Variants in FOXN3 observed in about 807,000 individuals in gnomAD.
FOXN3 encodes the protein forkhead box protein N3.
A neutral mutation model predicts 38.4 loss-of-function variants in FOXN3; 7 were observed. That is an observed-to-expected ratio of 0.18 (90% CI 0.10 to 0.34). The LOEUF is 0.34. Ranked by LOEUF, FOXN3 falls within the 10% of genes least tolerant of loss-of-function variation. FOXN3 has a pLI of 1.00. For missense variants in FOXN3, 456 were observed against 613.4 expected, an observed-to-expected ratio of 0.74 and a Z score of 2.71; for synonymous variants, 230 against 242.2, an observed-to-expected ratio of 0.95 and a Z score of 0.47.
intron 3 of FOXN3, among the ~76,000 whole-genome samples, chr14:89,318,118 T>C (rs916950650): frequency 2.0e-5 from 3 of 150,788 alleles, no homozygotes; most frequent in Middle Eastern, 6.3e-3. Context: ...GTTTTAATCT[T>C]CCCTCCTTCC....
At chr14:89,288,847 G>A (rs967932230) in intron 3 of FOXN3, among the ~76,000 whole-genome samples, 9 of 149,508 alleles carry the variant, frequency 6.0e-5, no homozygotes, top group Non-Finnish European at 1.0e-4. Flanking sequence ...TCAACACTAC[G>A]TACTGAAAAG....
At chr14:89,321,198 C>T (rs1271582434) in intron 3 of FOXN3, among the ~76,000 whole-genome samples, 1 of 151,844 alleles carries the variant, frequency 6.6e-6, no homozygotes, top group African/African-American at 2.4e-5. Flanking sequence ...GGCTGAGACA[C>T]AAGAATCGCT....
chr14:89,391,640 G>T (rs955739273), intron 2 of FOXN3, among the ~76,000 whole-genome samples: 6 of 152,136 alleles, frequency 3.9e-5, no homozygotes, highest in Admixed American at 2.0e-4. Context: ...AAAAATAAGC[G>T]ACAGTCCCCA....
At chr14:89,535,728 C>T (rs749107077) in intron 1 of FOXN3, among the ~76,000 whole-genome samples, 51 of 152,186 alleles carry the variant, frequency 3.4e-4, no homozygotes, top group Admixed American at 7.9e-4. Context: ...TCTTAACAAG[C>T]CTACCCCATT....
chr14:89,503,490 T>C (rs1411454278), intron 1 of FOXN3, among the ~76,000 whole-genome samples: 1 of 152,240 alleles, frequency 6.6e-6, no homozygotes, highest in African/African-American at 2.4e-5. Context: ...TTGGAAGACA[T>C]CTGAGTGAAA....
At chr14:89,199,543 G>T (rs1888182466) in intron 4 of FOXN3, among the ~76,000 whole-genome samples, 1 of 152,146 alleles carries the variant, frequency 6.6e-6, no homozygotes, top group Non-Finnish European at 1.5e-5. Flanking sequence ...TGGAACAAAA[G>T]ATGATCTAAT....
At chr14:89,230,960 T>C in intron 4 of FOXN3, 1 of 445,048 alleles carries the variant, frequency 2.2e-6, no homozygotes, top group Non-Finnish European at 4.5e-6. Context: ...CCATGGCGTC[T>C]ACTGGAGTAG....
At chr14:89,295,762 ATTTTTTTT>A (rs1032063820) in intron 3 of FOXN3, among the ~76,000 whole-genome samples, 3 of 123,224 alleles carry the variant, frequency 2.4e-5, no homozygotes, top group African/African-American at 9.2e-5. Context: ...TAATTTTTGC[ATTTTTTTT>A]TTTTTTTTTT....
chr14:89,223,514 T>C (rs73321296), intron 4 of FOXN3, among the ~76,000 whole-genome samples: 2,884 of 152,308 alleles, frequency 0.019, 91 homozygotes, highest in African/African-American at 0.065. Context: ...AATTAGAAAT[T>C]CCGAGGACTG....
chr14:89,586,082 C>T (rs1019261324), intron 1 of FOXN3, among the ~76,000 whole-genome samples: 1 of 151,982 alleles, frequency 6.6e-6, no homozygotes, highest in Admixed American at 6.6e-5. Flanking sequence ...ATTCTATAGA[C>T]TACAGGTCTT....
chr14:89,397,360 A>T (rs772454630), intron 2 of FOXN3, among the ~76,000 whole-genome samples: 1 of 151,838 alleles, frequency 6.6e-6, no homozygotes, highest in East Asian at 1.9e-4. Flanking sequence ...GTGGTGAAAT[A>T]ATCTGTACAA....
intron 3 of FOXN3, among the ~76,000 whole-genome samples, chr14:89,326,206 T>C (rs1414024542): frequency 1.3e-5 from 2 of 152,202 alleles, no homozygotes; most frequent in Non-Finnish European, 2.9e-5. Context: ...CCTTCTTTTA[T>C]AGGTGCTGTC....
intron 1 of FOXN3, among the ~76,000 whole-genome samples, chr14:89,612,035 G>A (rs1374656500): frequency 6.6e-6 from 1 of 152,038 alleles, no homozygotes; most frequent in Non-Finnish European, 1.5e-5. Context: ...AGTCAGAGGA[G>A]CAGTTGTGAG....
chr14:89,315,536 C>T (rs1044847192), intron 3 of FOXN3, among the ~76,000 whole-genome samples: 9 of 152,142 alleles, frequency 5.9e-5, no homozygotes, highest in African/African-American at 2.2e-4. Flanking sequence ...AACTCTCCTC[C>T]ATGGCTTTGC....
At chr14:89,509,523 C>G (rs1217989300) in intron 1 of FOXN3, among the ~76,000 whole-genome samples, 1 of 152,172 alleles carries the variant, frequency 6.6e-6, no homozygotes, top group Non-Finnish European at 1.5e-5. Context: ...TTTGTAGAAA[C>G]AGGATTTCGC....
At chr14:89,302,916 T>C (rs1887263427) in intron 3 of FOXN3, among the ~76,000 whole-genome samples, 1 of 152,204 alleles carries the variant, frequency 6.6e-6, no homozygotes. Context: ...GAGGACACTT[T>C]ATGTGTAGGG....
chr14:89,544,456 A>G (rs1219874616), intron 1 of FOXN3, among the ~76,000 whole-genome samples: 1 of 152,152 alleles, frequency 6.6e-6, no homozygotes, highest in Non-Finnish European at 1.5e-5. Flanking sequence ...ATTATTTAGC[A>G]AAATCTCCTT....
At chr14:89,202,044 C>G (rs1449987718) in intron 4 of FOXN3, among the ~76,000 whole-genome samples, 1 of 152,204 alleles carries the variant, frequency 6.6e-6, no homozygotes, top group Admixed American at 6.5e-5. Context: ...CAGAGTGACA[C>G]TGGCAGGTGT....
At chr14:89,543,918 A>G (rs1410688436) in intron 1 of FOXN3, among the ~76,000 whole-genome samples, 1 of 152,138 alleles carries the variant, frequency 6.6e-6, no homozygotes, top group Non-Finnish European at 1.5e-5. Flanking sequence ...GTGGGGGGGA[A>G]GTACTCAAAA....
Sources: gnomAD v4.1 joint callset for allele counts (sites outside exome capture counted in the v4.1 genomes callset) on GRCh38, gnomAD v4.1.1 for gene constraint, MANE v1.5 for transcripts, NCBI Gene and HGNC (gene_info 2026-07-23, HGNC 2026-07-21) for gene names.